The following CCDC92 variants were observed in gnomAD, a reference collection of about 807,000 sequenced individuals.
The protein encoded by CCDC92 is coiled-coil domain containing 92.
Under a neutral mutation model 24.9 loss-of-function variants are expected in CCDC92, and 12 were observed. The observed-to-expected ratio is 0.48, with a 90% CI of 0.31 to 0.78. CCDC92 has a LOEUF of 0.78. Among genes scored for constraint, CCDC92 ranks in the 30% least tolerant of loss-of-function variants. The probability of loss-of-function intolerance (pLI) is 0.05; values close to 1 mark genes in which losing one functional copy is unlikely to be tolerated. For missense variants in CCDC92, 399 were observed against 439.4 expected (o/e 0.91, Z 0.82); for synonymous variants, 193 against 196.3 (o/e 0.98, Z 0.14).
intron 1 of CCDC92, chr12:123,962,869 A>G (rs988893192): frequency 1.2e-4 from 18 of 152,134 alleles, no homozygotes; most frequent in African/African-American, 2.2e-4. Context: ...TAAAAAATCT[A>G]AAGAACAGAT....
chr12:123,939,540 A>G (rs1955622991), intron 4 of CCDC92, among the ~76,000 whole-genome samples: 1 of 152,222 alleles, frequency 6.6e-6, no homozygotes, highest in African/African-American at 2.4e-5. Flanking sequence ...TATCCATGGT[A>G]AGTCGAGGAG....
At position 123,943,397 on chromosome 12, in the gene CCDC92, G is replaced by A. The variant is rs139365870; in HGVS notation, c.131C>T (p.Thr44Met). Residue 44 changes from threonine to methionine, a missense_variant, in exon 3 of 5, where the codon ACG becomes ATG. Transcript: ENST00000238156. ...GATCTCGGAGTGCAGCCCCTTGAGCGTGCTGGCATGCTCCCGCTGAAGGAA... is the reference window on the plus strand; with the variant it reads ...GATCTCGGAGTGCAGCCCCTTGAGCATGCTGGCATGCTCCCGCTGAAGGAA... Reference protein sequence around the residue: ...LLFLQREHASTLKGLHSEIRR... With the variant: ...LLFLQREHASMLKGLHSEIRR... The A allele has an allele frequency of 2.6e-5, 42 of 1,614,120 alleles. No homozygotes were observed. Among genetic ancestry groups the A allele is most frequent in the Non-Finnish European group, 3.3e-5 (39 of 1,180,026 alleles).
rs754565348 is a variant in CCDC92 at position 123,944,339 on chromosome 12, A to G, written c.-34T>C. ...CTGGAAAAGCTACCAGAGTAATTCA[A>G]GACGCTTGTACAGCACTGAAAAATA... On this transcript the variant is annotated 5_prime_UTR_variant, in exon 2 of 5. Transcript: ENST00000238156. The G allele has an allele frequency of 1.2e-5, 18 of 1,558,976 alleles. No individual in the cohort carries two copies. In the South Asian group the frequency reaches 2.0e-4, roughly 17 times the overall value.
rs892514377 is a variant in CCDC92 at position 123,972,556 on chromosome 12, A to T, written c.-87T>A. On this transcript the variant is annotated 5_prime_UTR_variant, in exon 1 of 5. It removes the in-frame stop codon of an upstream open reading frame in the 5' UTR. Transcript: ENST00000238156. ...GCGGGCGCCGCCGTCGCGTTCCTTC[A>T]GGCGGCTGCCCTCTTAGGCTCGGTC... is the stretch of plus-strand genomic sequence containing the variant. 2.0e-5 allele frequency: 3 copies of T among 151,010 alleles called. No homozygotes were observed. The highest frequency in any genetic ancestry group is 7.3e-5 in the African/African-American group (3 of 41,138). 9.4% of individuals were successfully genotyped at this position (151,010 alleles called of 1,614,324 possible).
chr12:123,944,058 C>T, intron 2 of CCDC92: 1 of 527,560 alleles, frequency 1.9e-6, no homozygotes, highest in Non-Finnish European at 3.3e-6. Flanking sequence ...CTGGAGCCAG[C>T]CAAAGTAGGA....
chr12:123,946,857 C>T (rs948231216), intron 1 of CCDC92: 2 of 152,686 alleles, frequency 1.3e-5, no homozygotes, highest in African/African-American at 4.8e-5. Context: ...CTTGAGGAGC[C>T]CTTCAGCCCA....
At chr12:123,942,246 G>A (rs1356305787) in intron 4 of CCDC92, among the ~76,000 whole-genome samples, 1 of 152,196 alleles carries the variant, frequency 6.6e-6, no homozygotes, top group Non-Finnish European at 1.5e-5. Context: ...TTCTGGGGCT[G>A]TAGTCCAGAG....
At chr12:123,964,294 C>A (rs1411080545) in intron 1 of CCDC92, among the ~76,000 whole-genome samples, 4 of 151,082 alleles carry the variant, frequency 2.6e-5, no homozygotes, top group Non-Finnish European at 4.4e-5. Flanking sequence ...GGAGGCTATT[C>A]CAATATAACA....
At chr12:123,950,243 C>A (rs998459698) in intron 1 of CCDC92, among the ~76,000 whole-genome samples, 1 of 152,004 alleles carries the variant, frequency 6.6e-6, no homozygotes, top group African/African-American at 2.4e-5. Context: ...TTTGAAACTG[C>A]AGAGGAAACG....
rs1955563837 is a variant in CCDC92 at position 123,937,725 on chromosome 12, T to C, written c.329A>G (p.Glu110Gly). 2 of 1,614,044 alleles carry C rather than the reference T, an allele frequency of 1.2e-6. No homozygotes were observed. The highest frequency in any genetic ancestry group is 1.3e-5 in the African/African-American group (1 of 74,930). Residue 110 changes from glutamate to glycine, a missense_variant, in exon 5 of 5, where the codon GAG becomes GGG. Coordinates refer to ENST00000238156, the MANE Select transcript of CCDC92 (RefSeq NM_025140.3). This position sits in a 1 kb window ranked among gnomAD's most constrained non-coding sequence, Gnocchi z 8.4. ...NENAELLKEL[E>G]QKNAMITVLE... is the part of the protein sequence containing the mutation. ...CACTGTGATCATCGCGTTTTTCTGC[T>C]CCAGTTCTTTCAACAACTCAGCATT...
chr12:123,943,294 C>A, intron 3 of CCDC92, 53 bp downstream of exon 3: 2 of 1,591,674 alleles, frequency 1.3e-6, no homozygotes, highest in Non-Finnish European at 8.5e-7. Flanking sequence ...ACGCTGGGCT[C>A]TGCCGTGCCC....
intron 1 of CCDC92, among the ~76,000 whole-genome samples, chr12:123,949,495 C>T (rs976507450): frequency 6.6e-6 from 1 of 152,212 alleles, no homozygotes; most frequent in Non-Finnish European, 1.5e-5. Context: ...TCACGGCTGC[C>T]AGAGGGCCAG....
chr12:123,951,057 C>G (rs1169698383), intron 1 of CCDC92, among the ~76,000 whole-genome samples: 1 of 152,196 alleles, frequency 6.6e-6, no homozygotes, highest in East Asian at 1.9e-4. Context: ...CTTTGCACAC[C>G]TTGTTCCCTC....
chr12:123,953,507 A>T (rs577560114), intron 1 of CCDC92, among the ~76,000 whole-genome samples: 1 of 152,242 alleles, frequency 6.6e-6, no homozygotes, highest in Non-Finnish European at 1.5e-5. Context: ...AGCCAGGCAC[A>T]GTGGCTCATG....
chr12:123,938,651 C>A (rs1301738392), intron 4 of CCDC92, among the ~76,000 whole-genome samples: 1 of 152,202 alleles, frequency 6.6e-6, no homozygotes, highest in Non-Finnish European at 1.5e-5. Flanking sequence ...CCTTGCCTGG[C>A]CCCTGGGAAG....
chr12:123,971,813 G>C (rs1224423539), intron 1 of CCDC92: 1 of 152,290 alleles, frequency 6.6e-6, no homozygotes, highest in East Asian at 1.9e-4. Context: ...TCCGTTTCAC[G>C]AATCACAGGC....
At chr12:123,944,432 T>G in intron 1 of CCDC92, 68 bp from the exon 2 acceptor site, 10 of 843,736 alleles carry the variant, frequency 1.2e-5, no homozygotes, top group Non-Finnish European at 1.7e-5. Flanking sequence ...AGAATGCATT[T>G]TCCCTAATTT....
At position 123,936,887 on chromosome 12, in the gene CCDC92, G is replaced by T; in HGVS notation, c.*171C>A. On this transcript the variant is annotated 3_prime_UTR_variant, in exon 5 of 5. Transcript: ENST00000238156. The stretch of plus-strand genomic sequence containing the variant: ...TTAGGAAATACATATTCTGCGGCAG[G>T]GACACGATCATATTTTGGTGTGAAG... 1.4e-6 allele frequency: 1 copy of T among 705,306 alleles called. No individual in the cohort carries two copies. Among genetic ancestry groups the T allele is most frequent in the Non-Finnish European group, 2.3e-6 (1 of 429,302 alleles). 43.7% of individuals were successfully genotyped at this position (705,306 alleles called of 1,614,324 possible).
At chr12:123,947,067 C>A (rs933017337) in intron 1 of CCDC92, among the ~76,000 whole-genome samples, 3 of 152,176 alleles carry the variant, frequency 2.0e-5, no homozygotes, top group Admixed American at 1.3e-4. Context: ...CCCTGCCAGC[C>A]CTGCCGGCCC....
Sources: allele counts gnomAD v4.1 joint callset (sites outside exome capture counted in the v4.1 genomes callset), GRCh38; gene constraint gnomAD v4.1.1; non-coding constraint Gnocchi (gnomAD v3.1); transcripts MANE v1.5; gene names NCBI Gene and HGNC (gene_info 2026-07-23, HGNC 2026-07-21).